SLC3A1: variants seen among roughly 807,000 people sequenced by gnomAD.
SLC3A1 encodes solute carrier family 3 member 1.
Under a neutral mutation model 60.3 loss-of-function variants are expected in SLC3A1, and 78 were observed. The ratio of observed to expected loss-of-function variants is 1.29; its 90% CI spans 1.08 to 1.56. SLC3A1 has a LOEUF of 1.56. SLC3A1 is among the 40% of genes most tolerant of loss of function. The pLI is 0.00. For synonymous variants in SLC3A1, 392 were observed against 307.9 expected (o/e 1.27, Z -2.86); for missense variants, 1,172 against 858.9 (o/e 1.36, Z -4.56).
At chr2:44,313,797 C>T (rs963709984) in intron 8 of SLC3A1, 38 bp from the exon 9 acceptor site, 1 of 1,483,056 alleles carries the variant, frequency 6.7e-7, no homozygotes, top group Non-Finnish European at 9.4e-7. Flanking sequence ...CTTCTAATAA[C>T]CAAACCACTG....
chr2:44,314,647 TC>T, intron 9 of SLC3A1: 1 of 152,934 alleles, frequency 6.5e-6, no homozygotes, highest in Non-Finnish European at 1.5e-5. Context: ...CTGAGGAAAC[TC>T]CCCAGGATAT....
intron 9 of SLC3A1, among the ~76,000 whole-genome samples, chr2:44,316,623 T>C (rs1278766958): frequency 3.3e-5 from 5 of 152,086 alleles, no homozygotes; most frequent in Non-Finnish European, 7.4e-5. Context: ...TCAGAACAGG[T>C]AGGATAAAGA....
At chr2:44,311,672 T>C (rs1197983891) in intron 7 of SLC3A1, among the ~76,000 whole-genome samples, 1 of 151,388 alleles carries the variant, frequency 6.6e-6, no homozygotes, top group Admixed American at 6.6e-5. Flanking sequence ...TACTTCACAA[T>C]GGTCTATAAA....
Position 44,300,270 on chromosome 2 carries a change from T to C in SLC3A1, c.1011+180T>C, listed in dbSNP as rs556982359. Among the ~76,000 whole-genome samples the C allele has an allele frequency of 9.2e-5, 14 of 152,304 alleles. No individual in the cohort carries two copies. The South Asian group carries it at 2.5e-3, about 27-fold the overall frequency. On this transcript the variant is annotated intron_variant, in intron 5 of 9. Coordinates refer to ENST00000260649, the MANE Select transcript of SLC3A1 (RefSeq NM_000341.4). ...TGAAATGCATATGCACTCGATGTTT[T>C]TTTCCACTGGTTCCCTCCAGAGCGA...
chr2:44,281,003 TTCCC>T (rs59608356), intron 2 of SLC3A1, 108 bp downstream of exon 2: 16 of 942,272 alleles, frequency 1.7e-5, no homozygotes, highest in African/African-American at 9.3e-5. Flanking sequence ...TACTATTTCT[TTCCC>T]TCCCTCCCTC....
rs771831659 is a variant in SLC3A1, at chr2:44,275,730, T to A, written c.195T>A (p.Tyr65Ter). ...QEPDFKGVQP[Y>*]AGMPKEVLFQ... ...CCGACTTCAAGGGCGTCCAGCCCTA[T>A]GCGGGGATGCCCAAGGAGGTGCTGT... Residue 65 changes from tyrosine (Y) to a stop codon, truncating the protein, a stop_gained, in exon 1 of 10, where the codon TAT becomes TAA. Transcript: ENST00000260649. LOFTEE classifies it high-confidence loss of function. The A allele has an allele frequency of 6.2e-7, 1 of 1,614,222 alleles. No homozygotes were observed. Among genetic ancestry groups the A allele is most frequent in the East Asian group, 2.2e-5 (1 of 44,886 alleles).
At chr2:44,294,022 T>A (rs1671794954) in intron 4 of SLC3A1, among the ~76,000 whole-genome samples, 1 of 152,158 alleles carries the variant, frequency 6.6e-6, no homozygotes, top group South Asian at 2.1e-4. Context: ...TAAATACTAT[T>A]GTGAAGTGCA....
At chr2:44,292,165 G>T (rs1188899125) in intron 4 of SLC3A1, among the ~76,000 whole-genome samples, 2 of 152,046 alleles carry the variant, frequency 1.3e-5, no homozygotes, top group African/African-American at 4.8e-5. Flanking sequence ...TCTGGGGTTT[G>T]GAGTGATCCT....
intron 3 of SLC3A1, among the ~76,000 whole-genome samples, chr2:44,281,856 T>G (rs989079241): frequency 2.0e-5 from 3 of 152,166 alleles, no homozygotes; most frequent in Non-Finnish European, 2.9e-5. Flanking sequence ...ATAACCATTT[T>G]TCTACTATCC....
intron 7 of SLC3A1, among the ~76,000 whole-genome samples, chr2:44,306,624 G>A (rs1323896615): frequency 6.8e-6 from 1 of 147,740 alleles, no homozygotes; most frequent in African/African-American, 2.5e-5. Context: ...TGTGATCCCG[G>A]CTCACTTCAA....
intron 5 of SLC3A1, among the ~76,000 whole-genome samples, chr2:44,300,795 G>C (rs988117750): frequency 6.6e-6 from 1 of 152,132 alleles, no homozygotes; most frequent in African/African-American, 2.4e-5. Flanking sequence ...ATGGGTGACA[G>C]TTTATTAGAG....
chr2:44,278,178 C>A (rs1168376233), intron 1 of SLC3A1, among the ~76,000 whole-genome samples: 1 of 152,152 alleles, frequency 6.6e-6, no homozygotes, highest in Admixed American at 6.5e-5. Flanking sequence ...GGCGTGGTGG[C>A]TCACGCCTGT....
downstream of SLC3A1, chr2:44,321,779 T>C: frequency 6.2e-7 from 1 of 1,613,690 alleles, no homozygotes; most frequent in Non-Finnish European, 8.5e-7. Context: ...GAAAACAACA[T>C]GTATCTAGTT....
intron 7 of SLC3A1, among the ~76,000 whole-genome samples, chr2:44,306,456 C>G (rs190285845): frequency 1.8e-3 from 274 of 151,394 alleles, no homozygotes; most frequent in African/African-American, 6.1e-3. Context: ...AATTTTTAGG[C>G]ATGGTAAAAG....
intron 4 of SLC3A1, among the ~76,000 whole-genome samples, chr2:44,299,072 C>CTTGTT (rs1671932853): frequency 9.6e-6 from 1 of 104,368 alleles, no homozygotes; most frequent in Non-Finnish European, 1.9e-5. Context: ...GAGTTTTGCT[C>CTTGTT]TTGTTGCCCA....
chr2:44,299,662 G>C (rs1472737187), intron 4 of SLC3A1, among the ~76,000 whole-genome samples: 4 of 152,072 alleles, frequency 2.6e-5, no homozygotes, highest in Admixed American at 6.5e-5. Context: ...TTTTCTTATG[G>C]TTTCATTCTT....
chr2:44,277,687 C>T (rs2104329116), intron 1 of SLC3A1, among the ~76,000 whole-genome samples: 1 of 152,264 alleles, frequency 6.6e-6, no homozygotes, highest in South Asian at 2.1e-4. Context: ...ACTGCATAGA[C>T]CTAAAGCCCT....
At chr2:44,301,755 A>AAG (rs1181565413) in intron 6 of SLC3A1, among the ~76,000 whole-genome samples, 1 of 150,374 alleles carries the variant, frequency 6.7e-6, no homozygotes, top group Non-Finnish European at 1.5e-5. Context: ...AAAAAAAAAA[A>AAG]AGAACCAAAA....
intron 9 of SLC3A1, chr2:44,318,161 G>A (rs1262412446): frequency 2.1e-5 from 9 of 436,828 alleles, no homozygotes; most frequent in Non-Finnish European, 2.7e-5. Flanking sequence ...CGTGATCTCG[G>A]CACACTGCAG....
Sources: gnomAD v4.1 joint callset for allele counts (sites outside exome capture counted in the v4.1 genomes callset) on GRCh38, gnomAD v4.1.1 for gene constraint, MANE v1.5 for transcripts, NCBI Gene and HGNC (gene_info 2026-07-23, HGNC 2026-07-21) for gene names.